The following ATP1B3 variants were observed in gnomAD, a reference collection of about 807,000 sequenced individuals.
ATP1B3 encodes the protein ATPase Na+/K+ transporting subunit beta 3, also known as sodium/potassium-transporting ATPase subunit beta-3.
Under a neutral mutation model 30.2 loss-of-function variants are expected in ATP1B3, and 10 were observed. The ratio of observed to expected loss-of-function variants is 0.33; its 90% CI spans 0.20 to 0.56. The LOEUF is 0.56. Ranked by LOEUF, ATP1B3 falls within the 20% of genes least tolerant of loss-of-function variation. The probability of loss-of-function intolerance (pLI) is 0.90; values close to 1 mark genes in which losing one functional copy is unlikely to be tolerated. For synonymous variants in ATP1B3, 113 were observed against 117.0 expected, an observed-to-expected ratio of 0.97 and a Z score of 0.22; for missense variants, 238 against 336.7, an observed-to-expected ratio of 0.71 and a Z score of 2.29.
At chr3:141,920,589 A>G (rs554114238) in intron 5 of ATP1B3, among the ~76,000 whole-genome samples, 81 of 152,268 alleles carry the variant, frequency 5.3e-4, no homozygotes, top group African/African-American at 1.9e-3. Context: ...TTTCTCAAAA[A>G]AAATCCTTTT....
At chr3:141,879,396 A>G (rs1933671778) in intron 1 of ATP1B3, among the ~76,000 whole-genome samples, 1 of 152,124 alleles carries the variant, frequency 6.6e-6, no homozygotes, top group African/African-American at 2.4e-5. Context: ...CTAACAATTT[A>G]TACTCCCAAC....
chr3:141,924,773 G>A (rs1424110034), intron 6 of ATP1B3, among the ~76,000 whole-genome samples: 1 of 152,020 alleles, frequency 6.6e-6, no homozygotes, highest in Non-Finnish European at 1.5e-5. Flanking sequence ...TGGCCAACAT[G>A]GTGAAACCCC....
Position 141,890,285 on chromosome 3 carries a change from C to CT in ATP1B3, c.110-13300dup, listed in dbSNP as rs775182342. Among the ~76,000 whole-genome samples, 44 of 28,542 alleles carry CT rather than the reference C, an allele frequency of 1.5e-3. 3 individuals are homozygous for CT. Among genetic ancestry groups the CT allele is most frequent in the Non-Finnish European group, 2.1e-3 (36 of 17,344 alleles). The allele number at this position is 28,542 out of a possible 152,430, so 18.7% of individuals were successfully genotyped here. Reference sequence around the variant, plus strand: ...TTTGTTTGTTTGTTTTTTTGTGGGGCTTTTTTTTTTTTTTTTTTTTTTTTT... The same window carrying CT: ...TTTGTTTGTTTGTTTTTTTGTGGGGCTTTTTTTTTTTTTTTTTTTTTTTTTT... On this transcript the variant is annotated intron_variant, in intron 1 of 6. Transcript: ENST00000286371.
At chr3:141,877,613 A>G (rs1933630060) in intron 1 of ATP1B3, 1 of 151,626 alleles carries the variant, frequency 6.6e-6, no homozygotes, top group Admixed American at 6.6e-5. Context: ...CTTCCTTACA[A>G]ATTTGCTTCT....
chr3:141,879,152 A>AT (rs1017981851), intron 1 of ATP1B3, among the ~76,000 whole-genome samples: 29 of 152,086 alleles, frequency 1.9e-4, no homozygotes, highest in Admixed American at 9.2e-4. Context: ...TGTGTATAAC[A>AT]TTTTTTTTAA....
chr3:141,906,235 A>G (rs1258661671), intron 2 of ATP1B3, among the ~76,000 whole-genome samples: 3 of 151,518 alleles, frequency 2.0e-5, no homozygotes, highest in African/African-American at 7.3e-5. Flanking sequence ...GCTGGAGTGC[A>G]ATGGCACGAT....
intron 1 of ATP1B3, among the ~76,000 whole-genome samples, chr3:141,890,610 GTATTTTTAGTAGAGAC>G: frequency 6.6e-6 from 1 of 150,596 alleles, no homozygotes; most frequent in Non-Finnish European, 1.5e-5. Flanking sequence ...CCTAATTTTT[GTATTTTTAGTAGAGAC>G]TGGGTTTTGC....
intron 1 of ATP1B3, among the ~76,000 whole-genome samples, chr3:141,881,249 T>G (rs1403793551): frequency 6.6e-6 from 1 of 151,978 alleles, no homozygotes; most frequent in African/African-American, 2.4e-5. Flanking sequence ...CCATGATGTG[T>G]TGTCATTTAA....
chr3:141,882,044 T>C (rs1933737630), intron 1 of ATP1B3, among the ~76,000 whole-genome samples: 1 of 151,648 alleles, frequency 6.6e-6, no homozygotes. Context: ...CCACCCCTGA[T>C]GTAATTCGAT....
chr3:141,916,182 A>C (rs1934458444), intron 5 of ATP1B3, among the ~76,000 whole-genome samples, 162 bp downstream of exon 5: 1 of 152,176 alleles, frequency 6.6e-6, no homozygotes, highest in Non-Finnish European at 1.5e-5. Flanking sequence ...TCTCTTCCTT[A>C]ATGATAATTC....
At chr3:141,896,717 CAATA>C (rs1324553889) in intron 1 of ATP1B3, among the ~76,000 whole-genome samples, 1 of 151,950 alleles carries the variant, frequency 6.6e-6, no homozygotes, top group Non-Finnish European at 1.5e-5. Context: ...TTTTTTATTT[CAATA>C]ATCAGAATAT....
At chr3:141,922,133 T>C (rs1406191409) in intron 6 of ATP1B3, 70 bp downstream of exon 6, 4 of 911,684 alleles carry the variant, frequency 4.4e-6, no homozygotes, top group Non-Finnish European at 6.7e-6. Flanking sequence ...GACGTACCAC[T>C]TGTCTGGGGT....
At chr3:141,898,348 A>G (rs1211610896) in intron 1 of ATP1B3, among the ~76,000 whole-genome samples, 1 of 152,240 alleles carries the variant, frequency 6.6e-6, no homozygotes, top group Non-Finnish European at 1.5e-5. Context: ...ATAATTGCAC[A>G]TTATATATTT....
At chr3:141,915,822 C>A in intron 4 of ATP1B3, 148 bp from the exon 5 acceptor site, 1 of 416,726 alleles carries the variant, frequency 2.4e-6, no homozygotes, top group Non-Finnish European at 4.3e-6. Context: ...CATTTTAATA[C>A]CCTCAAATAA....
intron 6 of ATP1B3, among the ~76,000 whole-genome samples, chr3:141,922,554 G>T (rs1373459891): frequency 1.3e-5 from 2 of 152,056 alleles, no homozygotes; most frequent in Non-Finnish European, 2.9e-5. Context: ...TCGGGAGGCT[G>T]AGGCAGGAGA....
chr3:141,877,041 G>C (rs7616510), intron 1 of ATP1B3, 131 bp downstream of exon 1: 120,102 of 554,476 alleles, frequency 0.22, 13,951 homozygotes, highest in African/African-American at 0.25. Context: ...CCTAACCCGG[G>C]CGGCGGCGGC....
At chr3:141,895,954 T>C (rs773437745) in intron 1 of ATP1B3, among the ~76,000 whole-genome samples, 51 of 152,212 alleles carry the variant, frequency 3.4e-4, no homozygotes, top group Non-Finnish European at 5.9e-4. Context: ...TTTTGATTTC[T>C]CTTCCCTGGT....
chr3:141,890,113 CAG>C (rs1933917152), intron 1 of ATP1B3, among the ~76,000 whole-genome samples: 1 of 104,588 alleles, frequency 9.6e-6, no homozygotes, highest in East Asian at 2.7e-4. Flanking sequence ...TTTTTTGAGA[CAG>C]AGTGTGGCTC....
chr3:141,889,915 A>G (rs1016892003), intron 1 of ATP1B3, among the ~76,000 whole-genome samples: 1 of 150,764 alleles, frequency 6.6e-6, no homozygotes, highest in Non-Finnish European at 1.5e-5. Context: ...TTTCTCCTCA[A>G]GCACTGGATA....
Sources: allele counts gnomAD v4.1 joint callset (sites outside exome capture counted in the v4.1 genomes callset), GRCh38; gene constraint gnomAD v4.1.1; transcripts MANE v1.5; gene names NCBI Gene and HGNC (gene_info 2026-07-23, HGNC 2026-07-21).